The following USP47 variants were observed in gnomAD, a reference collection of about 807,000 sequenced individuals.
USP47 encodes ubiquitin specific peptidase 47.
A neutral mutation model predicts 165.1 loss-of-function variants in USP47; 35 were observed. The observed-to-expected ratio is 0.21, with a 90% CI of 0.16 to 0.28. The LOEUF (loss-of-function observed/expected upper bound fraction) is 0.28. USP47 is among the 10% of genes least tolerant of loss of function. The probability of loss-of-function intolerance (pLI) is 1.00; values close to 1 mark genes in which losing one functional copy is unlikely to be tolerated. For synonymous variants in USP47, 531 were observed against 544.5 expected, an observed-to-expected ratio of 0.98 and a Z score of 0.35; for missense variants, 1,277 against 1,607.4, an observed-to-expected ratio of 0.79 and a Z score of 3.52.
intron 17 of USP47, 97 bp downstream of exon 17, chr11:11,936,607 G>C: frequency 9.9e-7 from 1 of 1,013,742 alleles, no homozygotes; most frequent in Non-Finnish European, 1.4e-6. Context: ...TTTAAATTTT[G>C]TATATGGTCT....
intron 3 of USP47, among the ~76,000 whole-genome samples, 171 bp from the exon 4 acceptor site, chr11:11,891,797 A>G (rs1851532980): frequency 6.6e-6 from 1 of 152,222 alleles, no homozygotes; most frequent in Non-Finnish European, 1.5e-5. Flanking sequence ...TCTCATGTAA[A>G]CAGAAAATTT....
chr11:11,950,291 G>A (rs946577818), intron 23 of USP47, 73 bp from the exon 24 acceptor site: 3 of 1,032,706 alleles, frequency 2.9e-6, no homozygotes, highest in African/African-American at 3.3e-5. Flanking sequence ...TTTCTTTGGT[G>A]TCAGATTAGT....
intron 1 of USP47, among the ~76,000 whole-genome samples, chr11:11,861,501 A>G (rs1012555415): frequency 2.6e-5 from 4 of 152,218 alleles, no homozygotes; most frequent in Non-Finnish European, 4.4e-5. Context: ...ATTGTAAACT[A>G]TTCTTTTAAA....
Position 11,943,034 on chromosome 11 carries a change from A to G in USP47, c.3013A>G (p.Ser1005Gly). ...TDSEYDESGK[S>G]RGEMQYMYFK... ...TAGTGAATATGATGAGAGTGGCAAG[A>G]GTAGGGGAGAAATGCAGTACATGTA... Residue 1005 changes from serine (S) to glycine (G), a missense_variant, in exon 20 of 28, where the codon AGT (serine) becomes GGT (glycine). This residue lies in a region of USP47 where 909 missense variants were observed against 1,068.1 expected (regional missense o/e 0.85). Transcript: ENST00000527733. 6.2e-7 allele frequency: 1 copy of G among 1,613,532 alleles called. No individual in the cohort carries two copies. The highest frequency in any genetic ancestry group is 1.1e-5 in the South Asian group (1 of 91,054).
chr11:11,893,294 G>A (rs1401449706), intron 4 of USP47, among the ~76,000 whole-genome samples: 1 of 152,134 alleles, frequency 6.6e-6, no homozygotes, highest in Non-Finnish European at 1.5e-5. Context: ...GATTGCATAT[G>A]TCATTAATGG....
rs139901523 is a variant in USP47 at position 11,843,838 on chromosome 11, C to T, written c.39+1614C>T. On this transcript the variant is annotated intron_variant, in intron 1 of 27. Coordinates refer to ENST00000527733, the MANE Select transcript of USP47 (RefSeq NM_001282659.2). ...CAACGGAAGTTTAAAGATTAAATGC[C>T]TGTCCTTTTAAGATTAATTCCCTTC... is the stretch of plus-strand genomic sequence containing the variant. Among the ~76,000 whole-genome samples the T allele has an allele frequency of 2.6e-5, 4 of 152,280 alleles. No homozygotes were observed. The East Asian group carries it at 7.7e-4, about 29-fold the overall frequency.
At chr11:11,857,038 A>G (rs1202488739) in intron 1 of USP47, among the ~76,000 whole-genome samples, 1 of 152,176 alleles carries the variant, frequency 6.6e-6, no homozygotes, top group African/African-American at 2.4e-5. Context: ...GAATCTTCCT[A>G]AGGTTATCCA....
At chr11:11,934,006 T>C (rs1854874240) in intron 16 of USP47, 71 bp downstream of exon 16, 1 of 1,092,702 alleles carries the variant, frequency 9.2e-7, no homozygotes, top group African/African-American at 1.6e-5. Context: ...CAAGTTTTTA[T>C]AATGGATAAT....
chr11:11,959,813 T>C lies in USP47; in HGVS notation c.*3638T>C, dbSNP rs563500905. Among the ~76,000 whole-genome samples, 13 of 152,268 alleles carry C rather than the reference T, an allele frequency of 8.5e-5. 1 individual carries two copies. The South Asian group carries it at 2.7e-3, about 32-fold the overall frequency. Reference sequence around the variant, plus strand: ...CCTGTACAAGAGAATTGATCTCAACTGAGTGTCAGCTCACCAGGTCAGAAA... The same window carrying C: ...CCTGTACAAGAGAATTGATCTCAACCGAGTGTCAGCTCACCAGGTCAGAAA... On this transcript the variant is annotated 3_prime_UTR_variant, in exon 28 of 28. Coordinates refer to ENST00000527733, the MANE Select transcript of USP47 (RefSeq NM_001282659.2).
chr11:11,894,847 T>C (rs1851749377), intron 4 of USP47, among the ~76,000 whole-genome samples: 1 of 152,170 alleles, frequency 6.6e-6, no homozygotes, highest in Non-Finnish European at 1.5e-5. Context: ...AATAAAAAAG[T>C]GAAAATAATT....
chr11:11,923,058 A>G lies in USP47; in HGVS notation c.1386+167A>G, dbSNP rs901363986. 4.6e-3 allele frequency among the ~76,000 whole-genome samples: 456 copies of G among 100,134 alleles called. 9 individuals are homozygous for G. Among genetic ancestry groups the G allele is most frequent in the Admixed American group, 0.013 (150 of 11,630 alleles). 65.7% of individuals were successfully genotyped at this position (100,134 alleles called of 152,430 possible). ...TTTTTGTACATATATATATATATAT[A>G]TATATATATATATATATATATATAT... On this transcript the variant is annotated intron_variant, in intron 11 of 27. Coordinates refer to ENST00000527733, the MANE Select transcript of USP47 (RefSeq NM_001282659.2).
intron 4 of USP47, among the ~76,000 whole-genome samples, chr11:11,896,272 G>A (rs961139266): frequency 2.6e-5 from 4 of 152,130 alleles, no homozygotes; most frequent in African/African-American, 9.7e-5. Context: ...CCAGTAAAGG[G>A]AAACAAGGTC....
At chr11:11,910,914 C>T (rs963975962) in intron 8 of USP47, among the ~76,000 whole-genome samples, 9 of 152,068 alleles carry the variant, frequency 5.9e-5, no homozygotes, top group Non-Finnish European at 1.0e-4. Context: ...GACATAAACA[C>T]TGAAATGACA....
In USP47 at chr11:11,929,529, G is replaced by T; in HGVS notation, c.1482G>T (p.Glu494Asp). The change falls in exon 12 of 28, where the codon GAG becomes GAT. Residue 494 changes from glutamate to aspartate, a missense_variant. By Grantham distance (45) the Glu-to-Asp change is conservative. This residue lies in a region of USP47 where 909 missense variants were observed against 1,068.1 expected (regional missense o/e 0.85). Transcript: ENST00000527733. ...CATGTATAAAGTCATTCAGTGATGA[G>T]CAGTGGTACAGCTTCAATGATCAAC... is the stretch of plus-strand genomic sequence containing the variant. ...YYACIKSFSD[E>D]QWYSFNDQHV... 1.2e-6 allele frequency: 2 copies of T among 1,613,292 alleles called. No individual in the cohort carries two copies. Among genetic ancestry groups the T allele is most frequent in the Non-Finnish European group, 1.7e-6 (2 of 1,179,390 alleles).
intron 4 of USP47, among the ~76,000 whole-genome samples, chr11:11,893,322 G>A (rs1851659556): frequency 1.3e-5 from 2 of 152,008 alleles, no homozygotes; most frequent in South Asian, 4.2e-4. Flanking sequence ...TGCTAAGTAT[G>A]GCTTCAGAAA....
intron 25 of USP47, 54 bp from the exon 26 acceptor site, chr11:11,954,843 T>C (rs1856460894): frequency 1.3e-6 from 2 of 1,587,764 alleles, no homozygotes; most frequent in South Asian, 1.1e-5. Flanking sequence ...AAAATAACTT[T>C]TCTAAGCAAG....
rs1855050030 is a variant in USP47 at position 11,936,191 on chromosome 11, C to T, written c.1870-112C>T. On this transcript the variant is annotated intron_variant, in intron 16 of 27. Coordinates refer to ENST00000527733, the MANE Select transcript of USP47 (RefSeq NM_001282659.2). ...CATAAATGTGTGGATTTTGTTAGGG[C>T]CTATTGTAATGTTATTCCCCAACAG... 6 of 449,102 alleles carry T rather than the reference C, an allele frequency of 1.3e-5. No individual in the cohort carries two copies. The South Asian group carries it at 3.2e-4, about 24-fold the overall frequency. The allele number at this position is 449,102 out of a possible 1,614,324, so 27.8% of individuals were successfully genotyped here.
Position 11,957,277 on chromosome 11 carries a change from T to C in USP47, c.*1102T>C, listed in dbSNP as rs1847246442. ...CGTCTTAACATTGTTCTGAATAAAC[T>C]TGCTAATGAGGTCAGGTCATGGTAC... On this transcript the variant is annotated 3_prime_UTR_variant, in exon 28 of 28. Coordinates refer to ENST00000527733, the MANE Select transcript of USP47 (RefSeq NM_001282659.2). The C allele has an allele frequency of 6.6e-6, 1 of 152,370 alleles. No individual in the cohort carries two copies. The highest frequency in any genetic ancestry group is 1.5e-5 in the Non-Finnish European group (1 of 68,034). The allele number at this position is 152,370 out of a possible 1,614,324, so 9.4% of individuals were successfully genotyped here. A position where few individuals can be genotyped will look rare whatever the true frequency, so the allele number is the denominator to read the frequency against.
Position 11,942,503 on chromosome 11 carries a change from G to A in USP47, c.2482G>A (p.Asp828Asn), listed in dbSNP as rs201581215. 164 of 1,613,456 alleles carry A rather than the reference G, an allele frequency of 1.0e-4. No individual in the cohort carries two copies. The highest frequency in any genetic ancestry group is 1.6e-4 in the Middle Eastern group (1 of 6,080). The change falls in exon 20 of 28, where the codon GAT (aspartate) becomes AAT (asparagine). Residue 828 changes from aspartate to asparagine, a missense_variant. By Grantham distance (23) the Asp-to-Asn change is conservative (BLOSUM62 1). Coordinates refer to ENST00000527733, the MANE Select transcript of USP47 (RefSeq NM_001282659.2). The stretch of plus-strand genomic sequence containing the variant: ...GACAGCATACCAGAAAGCTGGAGGC[G>A]ATTCTGGTAATGTGGATGATGACTG... Reference protein sequence around the residue: ...KRTAYQKAGGDSGNVDDDCER... With the variant: ...KRTAYQKAGGNSGNVDDDCER...
Sources: allele counts gnomAD v4.1 joint callset (sites outside exome capture counted in the v4.1 genomes callset), GRCh38; gene constraint gnomAD v4.1.1; regional missense constraint gnomAD v4.1.1; transcripts MANE v1.5; gene names NCBI Gene and HGNC (gene_info 2026-07-23, HGNC 2026-07-21).